TET3: variants seen among roughly 807,000 people sequenced by gnomAD.
TET3 encodes the protein methylcytosine dioxygenase TET3.
A neutral mutation model predicts 141.4 loss-of-function variants in TET3; 19 were observed. The ratio of observed to expected loss-of-function variants is 0.13; its 90% CI spans 0.09 to 0.20. TET3 has a LOEUF of 0.20. TET3 is among the 10% of genes least tolerant of loss of function. TET3 has a pLI of 1.00. For synonymous variants in TET3, 1,043 were observed against 980.9 expected (o/e 1.06, Z -1.18); for missense variants, 1,874 against 2,356.9 (o/e 0.80, Z 4.24).
intron 2 of TET3, among the ~76,000 whole-genome samples, chr2:73,999,735 T>C (rs1468621930): frequency 2.0e-5 from 3 of 152,000 alleles, no homozygotes; most frequent in Admixed American, 1.3e-4. Flanking sequence ...GTGATCGCTG[T>C]GAAGTGCAAA....
At chr2:74,033,582 A>G (rs892578409) in intron 3 of TET3, among the ~76,000 whole-genome samples, 2 of 152,238 alleles carry the variant, frequency 1.3e-5, no homozygotes, top group African/African-American at 4.8e-5. Flanking sequence ...GTCCAGCTCT[A>G]AACCACTGCA....
intron 3 of TET3, among the ~76,000 whole-genome samples, chr2:74,040,515 G>A (rs188462221): frequency 2.0e-5 from 3 of 152,264 alleles, no homozygotes; most frequent in East Asian, 1.9e-4. Context: ...GCTCTCAGGA[G>A]GGAGAGTTCA....
chr2:74,075,319 A>ATT (rs1689441605), intron 5 of TET3, among the ~76,000 whole-genome samples: 1 of 118,206 alleles, frequency 8.5e-6, no homozygotes, highest in Non-Finnish European at 1.8e-5. Context: ...AGAGCCAAAT[A>ATT]CTTTTTTTTT....
At position 74,046,707 on chromosome 2, in the gene TET3, C is replaced by G; in HGVS notation, c.790C>G (p.Arg264Gly). The G allele has an allele frequency of 6.2e-7, 1 of 1,613,986 alleles. No homozygotes were observed. Among genetic ancestry groups the G allele is most frequent in the Non-Finnish European group, 8.5e-7 (1 of 1,179,892 alleles). The change falls in exon 4 of 12, where the codon CGG becomes GGG. Residue 264 changes from arginine (R) to glycine (G), a missense_variant. This residue lies in a region of TET3 where 366 missense variants were observed against 487.0 expected (regional missense o/e 0.75). Coordinates refer to ENST00000409262, the MANE Select transcript of TET3 (RefSeq NM_001287491.2). This position sits in a 1 kb window ranked among gnomAD's most constrained non-coding sequence, Gnocchi z 4.3. ...ACTGCAGACGGCCCTGGCCCTCGCG[C>G]GGCATGGTATGAAACCACCCAACTG... ...DTLQTALALA[R>G]HGMKPPNCNC... is the part of the protein sequence containing the mutation.
chr2:74,134,586 A>T, the TET3 span: 1 of 419,436 alleles, frequency 2.4e-6, no homozygotes, highest in East Asian at 7.1e-5. Context: ...AGTGTGAGAG[A>T]GGAGTGGATG....
rs1314519250 is a variant in TET3 at position 74,090,059 on chromosome 2, TG to T, written c.3039+15del. On this transcript the variant is annotated intron_variant, in intron 8 of 11. Transcript: ENST00000409262. ...ACAATCCCAAAGAGGTGAGCAGAGCTGGGCGGGGACCCTGCCTCCCATCCTT... is the reference window on the plus strand; with the variant it reads ...ACAATCCCAAAGAGGTGAGCAGAGCTGGCGGGGACCCTGCCTCCCATCCTT... The T allele has an allele frequency of 1.9e-6, 3 of 1,613,414 alleles. No homozygotes were observed. The highest frequency in any genetic ancestry group is 2.5e-6 in the Non-Finnish European group (3 of 1,179,508).
chr2:74,022,453 G>T (rs1686101449), intron 3 of TET3, among the ~76,000 whole-genome samples: 1 of 147,968 alleles, frequency 6.8e-6, no homozygotes, highest in Non-Finnish European at 1.5e-5. Flanking sequence ...TTGAGACAGA[G>T]TCTCACTCTG....
chr2:74,000,037 A>G (rs148336780), intron 2 of TET3, among the ~76,000 whole-genome samples: 1 of 152,022 alleles, frequency 6.6e-6, no homozygotes, highest in East Asian at 1.9e-4. Context: ...CCACCGGGAG[A>G]TGAGTGGAGC....
At chr2:73,988,214 G>C (rs1028556704) in intron 2 of TET3, among the ~76,000 whole-genome samples, 1 of 152,186 alleles carries the variant, frequency 6.6e-6, no homozygotes, top group Non-Finnish European at 1.5e-5. Flanking sequence ...GTTATGAAGC[G>C]GGGGAGGCTT....
intron 4 of TET3, among the ~76,000 whole-genome samples, chr2:74,072,014 C>T (rs1342445799): frequency 6.6e-6 from 1 of 152,182 alleles, no homozygotes; most frequent in African/African-American, 2.4e-5. Context: ...TGTACAACCA[C>T]ATCTCCCTCC....
At chr2:74,075,450 T>C (rs543175912) in intron 5 of TET3, among the ~76,000 whole-genome samples, 1 of 149,544 alleles carries the variant, frequency 6.7e-6, no homozygotes, top group African/African-American at 2.5e-5. Context: ...TGTCTCAGTC[T>C]CCCGAGTACC....
chr2:74,124,371 G>A, the TET3 span, among the ~76,000 whole-genome samples: 5 of 151,450 alleles, frequency 3.3e-5, no homozygotes, highest in South Asian at 2.1e-4. Context: ...GCCTCTGCCC[G>A]GCCACTGCCC....
intron 3 of TET3, among the ~76,000 whole-genome samples, chr2:74,023,391 C>A (rs1041128488): frequency 2.0e-5 from 3 of 152,152 alleles, no homozygotes; most frequent in Admixed American, 6.5e-5. Flanking sequence ...TACAGGTGTG[C>A]GCCATCACAC....
Position 74,103,238 on chromosome 2 carries a change from A to G in TET3, c.*1062A>G, listed in dbSNP as rs2104248671. The G allele has an allele frequency of 6.6e-6, 1 of 152,634 alleles. No individual in the cohort carries two copies. Among genetic ancestry groups the G allele is most frequent in the Admixed American group, 6.5e-5 (1 of 15,300 alleles). The allele number at this position is 152,634 out of a possible 1,614,324, so 9.5% of individuals were successfully genotyped here. On this transcript the variant is annotated 3_prime_UTR_variant, in exon 12 of 12. Transcript: ENST00000409262. ...ACAGGAAGTTGAACCCAAGCTGTGA[A>G]AAGCCAGTGGTGCTCTGTGCATGGT...
chr2:74,049,368 G>A (rs763273342), intron 4 of TET3, among the ~76,000 whole-genome samples: 33 of 152,252 alleles, frequency 2.2e-4, no homozygotes, highest in Middle Eastern at 3.4e-3. Context: ...GTGAGAACGC[G>A]TTGAGGAGTT....
intron 8 of TET3, among the ~76,000 whole-genome samples, chr2:74,091,103 C>T (rs1431494577): frequency 6.6e-6 from 1 of 152,118 alleles, no homozygotes; most frequent in African/African-American, 2.4e-5. Context: ...TCTTTGTTTA[C>T]CCCAGACCTG....
intron 11 of TET3, among the ~76,000 whole-genome samples, chr2:74,100,046 G>T (rs926213115): frequency 6.6e-6 from 1 of 152,168 alleles, no homozygotes; most frequent in Non-Finnish European, 1.5e-5. Context: ...CAGTGATCCC[G>T]ACTGGGCTGG....
At chr2:74,077,822 G>A (rs1390315048) in intron 5 of TET3, among the ~76,000 whole-genome samples, 1 of 152,244 alleles carries the variant, frequency 6.6e-6, no homozygotes, top group Non-Finnish European at 1.5e-5. Flanking sequence ...AGCGAGAGGA[G>A]TGTGGTCACC....
intron 3 of TET3, among the ~76,000 whole-genome samples, chr2:74,045,319 A>G (rs746594617): frequency 1.3e-5 from 2 of 152,214 alleles, no homozygotes; most frequent in African/African-American, 2.4e-5. Flanking sequence ...GAGACCGTGT[A>G]TACATCCTGT....
Sources: gnomAD v4.1 joint callset for allele counts (sites outside exome capture counted in the v4.1 genomes callset) on GRCh38, gnomAD v4.1.1 for gene constraint, gnomAD v4.1.1 regional missense constraint, Gnocchi (gnomAD v3.1) non-coding constraint, MANE v1.5 for transcripts, NCBI Gene and HGNC (gene_info 2026-07-23, HGNC 2026-07-21) for gene names.